Variants in BNC2 observed in about 807,000 individuals in gnomAD.
BNC2 encodes zinc finger protein basonuclin-2.
A neutral mutation model predicts 76.3 loss-of-function variants in BNC2; 20 were observed. The observed-to-expected ratio is 0.26, with a 90% CI of 0.18 to 0.38. The LOEUF (loss-of-function observed/expected upper bound fraction) is 0.38. Among genes scored for constraint, BNC2 ranks in the 10% least tolerant of loss-of-function variants. The pLI is 1.00. For missense variants in BNC2, 1,382 were observed against 1,399.8 expected, an observed-to-expected ratio of 0.99 and a Z score of 0.20; for synonymous variants, 582 against 514.8, an observed-to-expected ratio of 1.13 and a Z score of -1.77.
intron 1 of BNC2, among the ~76,000 whole-genome samples, chr9:16,771,739 A>G (rs1280135802): frequency 6.6e-6 from 1 of 152,222 alleles, no homozygotes; most frequent in African/African-American, 2.4e-5. Flanking sequence ...AAAAGAATGT[A>G]TTTAACACTT....
intron 1 of BNC2, among the ~76,000 whole-genome samples, chr9:16,794,695 T>C (rs534312127): frequency 6.6e-6 from 1 of 152,296 alleles, no homozygotes; most frequent in Non-Finnish European, 1.5e-5. Flanking sequence ...CAAAGGGCTT[T>C]TAAAAAACAC....
Position 16,419,510 on chromosome 9 carries a change from T to C in BNC2, c.2779A>G (p.Met927Val). The change falls in exon 7 of 7, where the codon ATG (methionine) becomes GTG (valine). Residue 927 changes from methionine to valine, a missense_variant. Physicochemically the swap from Met to Val is conservative, Grantham distance 21 (BLOSUM62 1). Around this residue, in one of 3 missense-constraint regions of BNC2, gnomAD observed 798 missense variants for 775.5 expected, o/e 1.03. Coordinates refer to ENST00000380672, the MANE Select transcript of BNC2 (RefSeq NM_017637.6). The stretch of plus-strand genomic sequence containing the variant: ...GCGTCTTCCCTGACATCGAGCCCCA[T>C]GGGGTGCTGGGCACCATATATCTTC... ...LVKIYGAQHPMGLDVREDASS... is the reference protein window; with the variant it reads ...LVKIYGAQHPVGLDVREDASS... The C allele has an allele frequency of 4.3e-6, 7 of 1,613,986 alleles. No homozygotes were observed. Among genetic ancestry groups the C allele is most frequent in the Non-Finnish European group, 5.9e-6 (7 of 1,179,988 alleles).
intron 1 of BNC2, among the ~76,000 whole-genome samples, chr9:16,750,739 C>A (rs1470871567): frequency 6.6e-6 from 1 of 152,230 alleles, no homozygotes; most frequent in Non-Finnish European, 1.5e-5. Context: ...AACGATTAAG[C>A]CTCCCACTCA....
chr9:16,545,849 G>A (rs746631728), intron 5 of BNC2, among the ~76,000 whole-genome samples: 25 of 152,096 alleles, frequency 1.6e-4, no homozygotes, highest in Non-Finnish European at 2.6e-4. Flanking sequence ...TCTACGATCC[G>A]AGAAAATGGC....
rs568955982 is a variant in BNC2, at chr9:16,506,513, C to CTTTTTTT, written c.669+46010_669+46016dup. On this transcript the variant is annotated intron_variant, in intron 5 of 6. Transcript: ENST00000380672. ...GTACACTTCTCTCTCTCTCTCTCCT[C>CTTTTTTT]TTTTTTTTTTTTTTTTTTTTTTTTT... is the stretch of plus-strand genomic sequence containing the variant. Among the ~76,000 whole-genome samples the CTTTTTTT allele has an allele frequency of 7.1e-3, 309 of 43,306 alleles. 57 individuals carry two copies. The highest frequency in any genetic ancestry group is 0.022 in the African/African-American group (277 of 12,374). The allele number at this position is 43,306 out of a possible 152,430, so 28.4% of individuals were successfully genotyped here.
chr9:16,661,113 C>T lies in BNC2; in HGVS notation c.330+66684G>A, dbSNP rs543874036. Reference sequence around the variant, plus strand: ...GAAAAGCAATTAACCTTCCCAACGTCATGTGGTAAAATTGATTTTACAACC... The same window carrying T: ...GAAAAGCAATTAACCTTCCCAACGTTATGTGGTAAAATTGATTTTACAACC... On this transcript the variant is annotated intron_variant, in intron 3 of 6. Coordinates refer to ENST00000380672, the MANE Select transcript of BNC2 (RefSeq NM_017637.6). 9.1e-4 allele frequency among the ~76,000 whole-genome samples: 139 copies of T among 152,282 alleles called. 2 individuals are homozygous for T. Among genetic ancestry groups the T allele is most frequent in the African/African-American group, 3.2e-3 (135 of 41,550 alleles).
chr9:16,527,837 A>C (rs1372521000), intron 5 of BNC2, among the ~76,000 whole-genome samples: 1 of 152,196 alleles, frequency 6.6e-6, no homozygotes, highest in Non-Finnish European at 1.5e-5. Context: ...GCATCGCTAC[A>C]AATTAAGGTG....
chr9:16,452,647 T>A (rs1405391057), intron 5 of BNC2, among the ~76,000 whole-genome samples: 1 of 152,170 alleles, frequency 6.6e-6, no homozygotes, highest in Non-Finnish European at 1.5e-5. Context: ...TGACCTCAGG[T>A]GATCCACCCG....
At chr9:16,692,881 G>A (rs561380236) in intron 3 of BNC2, among the ~76,000 whole-genome samples, 1 of 152,164 alleles carries the variant, frequency 6.6e-6, no homozygotes, top group East Asian at 1.9e-4. Context: ...TGTAATTCCA[G>A]CACTTTGGGG....
At chr9:16,509,715 AG>A (rs1563816583) in intron 5 of BNC2, among the ~76,000 whole-genome samples, 1 of 152,256 alleles carries the variant, frequency 6.6e-6, no homozygotes, top group Admixed American at 6.5e-5. Context: ...TCAGGAAAGC[AG>A]GAAAATTGTT....
chr9:16,461,062 T>G (rs1476919780), intron 5 of BNC2, among the ~76,000 whole-genome samples: 2 of 152,112 alleles, frequency 1.3e-5, no homozygotes, highest in African/African-American at 4.8e-5. Context: ...TCAATATTCA[T>G]TTTTAATTAC....
intron 2 of BNC2, among the ~76,000 whole-genome samples, chr9:16,736,459 GTTTA>G (rs1824672296): frequency 6.7e-6 from 1 of 149,070 alleles, no homozygotes; most frequent in Admixed American, 6.7e-5. Context: ...TATTATTATT[GTTTA>G]TTATTATGAT....
intron 3 of BNC2, among the ~76,000 whole-genome samples, chr9:16,616,217 T>C (rs1229427302): frequency 6.6e-6 from 1 of 151,854 alleles, no homozygotes; most frequent in Non-Finnish European, 1.5e-5. Context: ...TAAGACACTG[T>C]CTCTACATAA....
intron 3 of BNC2, among the ~76,000 whole-genome samples, chr9:16,691,465 T>C (rs147064937): frequency 6.6e-6 from 1 of 151,668 alleles, no homozygotes; most frequent in Non-Finnish European, 1.5e-5. Context: ...AAAATGAGAA[T>C]GAAGTCACTT....
chr9:16,813,891 G>T (rs1818118133), intron 1 of BNC2, among the ~76,000 whole-genome samples: 1 of 152,076 alleles, frequency 6.6e-6, no homozygotes, highest in Non-Finnish European at 1.5e-5. Flanking sequence ...TGGGAATATG[G>T]TTTTCATGAC....
chr9:16,730,592 C>G (rs1243283528), intron 2 of BNC2, among the ~76,000 whole-genome samples: 1 of 152,132 alleles, frequency 6.6e-6, no homozygotes, highest in African/African-American at 2.4e-5. Context: ...ATTAGGCTGA[C>G]TAGCTAATAC....
chr9:16,597,533 A>G lies in BNC2; in HGVS notation c.331-14448T>C, dbSNP rs184130700. Among the ~76,000 whole-genome samples, 1,114 of 152,284 alleles carry G rather than the reference A, an allele frequency of 7.3e-3. 46 individuals carry two copies. Among genetic ancestry groups the G allele is most frequent in the Admixed American group, 0.067 (1,029 of 15,292 alleles). ...ATGCATATGTATAGCCAGACAAAAA[A>G]AACGCTGGCTGCCCTTTTGATGTAG... On this transcript the variant is annotated intron_variant, in intron 3 of 6. Coordinates refer to ENST00000380672, the MANE Select transcript of BNC2 (RefSeq NM_017637.6).
At chr9:16,770,231 T>C (rs12343424) in intron 1 of BNC2, among the ~76,000 whole-genome samples, 69,923 of 151,996 alleles carry the variant, frequency 0.46, 21,563 homozygotes, top group Non-Finnish European at 0.69. Flanking sequence ...TGGATGCTCA[T>C]CCACTGCCAC....
chr9:16,659,262 G>A (rs1473839540), intron 3 of BNC2, among the ~76,000 whole-genome samples: 1 of 152,086 alleles, frequency 6.6e-6, no homozygotes, highest in Non-Finnish European at 1.5e-5. Flanking sequence ...CCGTTTCATC[G>A]TGCCCTTCTG....
Sources: gnomAD v4.1 joint callset for allele counts (sites outside exome capture counted in the v4.1 genomes callset) on GRCh38, gnomAD v4.1.1 for gene constraint, gnomAD v4.1.1 regional missense constraint, MANE v1.5 for transcripts, NCBI Gene and HGNC (gene_info 2026-07-23, HGNC 2026-07-21) for gene names.